PLAAT2: variants seen among roughly 807,000 people sequenced by gnomAD.
PLAAT2 encodes the protein HRAS like suppressor 2.
In PLAAT2, 12 loss-of-function variants were observed where a neutral mutation model predicts 12.8. The observed-to-expected ratio is 0.94, with a 90% CI of 0.60 to 1.52. The LOEUF is 1.52. PLAAT2 is among the 40% of genes most tolerant of loss of function. The probability of loss-of-function intolerance (pLI) is 0.00; values close to 1 mark genes in which losing one functional copy is unlikely to be tolerated. For synonymous variants in PLAAT2, 79 were observed against 86.8 expected, an observed-to-expected ratio of 0.91 and a Z score of 0.50; for missense variants, 166 against 208.1, an observed-to-expected ratio of 0.80 and a Z score of 1.24.
upstream of PLAAT2, among the ~76,000 whole-genome samples, chr11:63,564,460 A>G (rs73490163): frequency 0.019 from 2,921 of 152,230 alleles, 101 homozygotes; most frequent in African/African-American, 0.066. Context: ...CAGGCTATAA[A>G]CAAACAAACA....
chr11:63,560,844 A>G (rs2017512279), intron 1 of PLAAT2, among the ~76,000 whole-genome samples: 1 of 152,240 alleles, frequency 6.6e-6, no homozygotes, highest in South Asian at 2.1e-4. Flanking sequence ...GTCCTAGGCA[A>G]GCCCAGGGCA....
chr11:63,553,277 G>A (rs1302161624), intron 3 of PLAAT2, among the ~76,000 whole-genome samples: 2 of 151,870 alleles, frequency 1.3e-5, no homozygotes, highest in Non-Finnish European at 2.9e-5. Flanking sequence ...AGAATGAATG[G>A]AAGAATGAAG....
chr11:63,558,698 G>C, intron 2 of PLAAT2, 38 bp from the exon 3 acceptor site: 2 of 1,606,644 alleles, frequency 1.2e-6, no homozygotes, highest in Non-Finnish European at 1.7e-6. Context: ...GCAGGGCCTG[G>C]GGGGCTCAGA....
rs2017487710 is a variant in PLAAT2 at position 63,558,430 on chromosome 11, C to T, written c.349G>A (p.Val117Met). The T allele has an allele frequency of 1.9e-6, 3 of 1,614,188 alleles. No individual in the cohort carries two copies. Among genetic ancestry groups the T allele is most frequent in the African/African-American group, 1.3e-5 (1 of 75,042 alleles). Residue 117 changes from valine to methionine, a missense_variant, in exon 3 of 4, where the codon GTG becomes ATG. Physicochemically the swap from Val to Met is conservative, Grantham distance 21. Coordinates refer to ENST00000255695, the MANE Select transcript of PLAAT2 (RefSeq NM_017878.2). ...GAGACGCCATAGCGCAGATGGTTCA[C>T]GAAGTGCTCGCAGTTGTCACTGGTC... ...SLTSDNCEHFVNHLRYGVSRS... is the reference protein window; with the variant it reads ...SLTSDNCEHFMNHLRYGVSRS...
chr11:63,557,488 C>T (rs963973771), intron 3 of PLAAT2, among the ~76,000 whole-genome samples: 1 of 151,714 alleles, frequency 6.6e-6, no homozygotes, highest in African/African-American at 2.4e-5. Flanking sequence ...GATCGAACTC[C>T]ACATGATATA....
chr11:63,559,169 C>T (rs2017495759), intron 2 of PLAAT2, among the ~76,000 whole-genome samples: 1 of 152,188 alleles, frequency 6.6e-6, no homozygotes, highest in African/African-American at 2.4e-5. Flanking sequence ...CTGGGCATGG[C>T]AGCACATACC....
chr11:63,558,527 G>C lies in PLAAT2; in HGVS notation c.252C>G (p.Tyr84Ter). 2 of 1,614,248 alleles carry C rather than the reference G, an allele frequency of 1.2e-6. No homozygotes were observed. Among genetic ancestry groups the C allele is most frequent in the Non-Finnish European group, 1.7e-6 (2 of 1,180,044 alleles). The stretch of plus-strand genomic sequence containing the variant: ...CGATTTTGTTGGAAGGCAGTGGTGT[G>C]TATCTGTCATCGTGCTTGTTATTGA... Reference protein sequence around the residue: ...YRVNNKHDDRYTPLPSNKIVK... With the variant: ...YRVNNKHDDR Residue 84 changes from tyrosine to a stop codon, truncating the protein, a stop_gained, in exon 3 of 4, where the codon TAC becomes TAG. Transcript: ENST00000255695. LOFTEE classifies it high-confidence loss of function.
intron 1 of PLAAT2, among the ~76,000 whole-genome samples, chr11:63,560,551 A>G (rs919170759): frequency 1.3e-5 from 2 of 152,212 alleles, no homozygotes; most frequent in African/African-American, 4.8e-5. Context: ...TTCCGAAGGA[A>G]GCCTAAAATG....
chr11:63,562,384 G>A (rs373524935), intron 1 of PLAAT2, among the ~76,000 whole-genome samples: 1 of 152,110 alleles, frequency 6.6e-6, no homozygotes, highest in African/African-American at 2.4e-5. Flanking sequence ...AAGAAGCTAG[G>A]ACTATAAGCA....
At chr11:63,555,302 T>A (rs576534230) in intron 3 of PLAAT2, among the ~76,000 whole-genome samples, 4 of 152,162 alleles carry the variant, frequency 2.6e-5, no homozygotes, top group African/African-American at 9.6e-5. Context: ...TCCAATCAAT[T>A]GTGGATTGAA....
intron 1 of PLAAT2, among the ~76,000 whole-genome samples, chr11:63,560,896 C>A (rs2017512541): frequency 6.6e-6 from 1 of 152,210 alleles, no homozygotes; most frequent in Non-Finnish European, 1.5e-5. Flanking sequence ...CAAGGGATGG[C>A]AGGGTGTGTT....
chr11:63,558,354 C>A, intron 3 of PLAAT2, 38 bp downstream of exon 3: 1 of 1,604,912 alleles, frequency 6.2e-7, no homozygotes, highest in South Asian at 1.1e-5. Context: ...GAGGGAGTGG[C>A]CTGGCTCCTG....
chr11:63,558,803 C>G (rs949471236), intron 2 of PLAAT2, 143 bp from the exon 3 acceptor site: 16 of 991,726 alleles, frequency 1.6e-5, no homozygotes, highest in Admixed American at 2.4e-5. Context: ...AACTTGAAAA[C>G]AGGGAAGACC....
intron 2 of PLAAT2, 79 bp from the exon 3 acceptor site, chr11:63,558,739 G>T (rs2017492228): frequency 1.3e-6 from 2 of 1,528,436 alleles, no homozygotes; most frequent in Non-Finnish European, 1.8e-6. Flanking sequence ...ATCGCCCCGA[G>T]CACCATCAAG....
chr11:63,559,547 G>A (rs2017499036), intron 2 of PLAAT2, among the ~76,000 whole-genome samples: 1 of 122,610 alleles, frequency 8.2e-6, no homozygotes, highest in Non-Finnish European at 1.7e-5. Context: ...ACTAGGCCAG[G>A]GGATGTCCAT....
chr11:63,558,556 T>G lies in PLAAT2; in HGVS notation c.223A>C (p.Arg75=), dbSNP rs1370251635. The part of the protein sequence containing the change: ...LSVVAGGDNY[R]VNNKHDDRYT... Reference sequence around the variant, plus strand: ...CTGTCATCGTGCTTGTTATTGACCCTGTAGTTGTCTCCCCCAGCCACCACA... The same window carrying G: ...CTGTCATCGTGCTTGTTATTGACCCGGTAGTTGTCTCCCCCAGCCACCACA... The change falls in exon 3 of 4, where the codon AGG becomes CGG. Residue 75 remains arginine, a synonymous_variant. Coordinates refer to ENST00000255695, the MANE Select transcript of PLAAT2 (RefSeq NM_017878.2). 1.2e-6 allele frequency: 2 copies of G among 1,614,264 alleles called. No individual in the cohort carries two copies. The highest frequency in any genetic ancestry group is 4.5e-5 in the East Asian group (2 of 44,886).
chr11:63,564,506 G>A (rs2017546745), upstream of PLAAT2, among the ~76,000 whole-genome samples: 1 of 152,142 alleles, frequency 6.6e-6, no homozygotes, highest in Admixed American at 6.5e-5. Context: ...CAGATGGACT[G>A]GAGCCAGAAC....
At chr11:63,559,422 C>T (rs949506984) in intron 2 of PLAAT2, among the ~76,000 whole-genome samples, 2 of 152,084 alleles carry the variant, frequency 1.3e-5, no homozygotes, top group African/African-American at 4.8e-5. Flanking sequence ...AAGACAGAAG[C>T]CTGTCCCAGG....
chr11:63,560,029 A>G, intron 2 of PLAAT2, 56 bp downstream of exon 2: 1 of 1,184,190 alleles, frequency 8.4e-7, no homozygotes, highest in Non-Finnish European at 1.3e-6. Context: ...GTAACTGTGC[A>G]TCTCTTCACA....
Sources: gnomAD v4.1 joint callset for allele counts (sites outside exome capture counted in the v4.1 genomes callset) on GRCh38, gnomAD v4.1.1 for gene constraint, MANE v1.5 for transcripts, NCBI Gene and HGNC (gene_info 2026-07-23, HGNC 2026-07-21) for gene names.